Variants in SORCS1 observed in about 807,000 individuals in gnomAD.
The protein encoded by SORCS1 is VPS10 domain-containing receptor SorCS1.
SORCS1 carries 60 observed loss-of-function variants against 146.1 expected under a neutral mutation model. That is an observed-to-expected ratio of 0.41 (90% confidence interval 0.33 to 0.51). SORCS1 has a LOEUF of 0.51. SORCS1 is among the 20% of genes least tolerant of loss of function. The pLI, the probability that SORCS1 is intolerant of heterozygous loss-of-function variation, is 0.21. For missense variants in SORCS1, 1,352 were observed against 1,487.6 expected, an observed-to-expected ratio of 0.91 and a Z score of 1.50; for synonymous variants, 637 against 584.0, an observed-to-expected ratio of 1.09 and a Z score of -1.31.
At chr10:106,938,741 C>T (rs1332723170) in intron 2 of SORCS1, among the ~76,000 whole-genome samples, 1 of 152,186 alleles carries the variant, frequency 6.6e-6, no homozygotes, top group African/African-American at 2.4e-5. Context: ...TAAGCAGAGT[C>T]CACAAATCCC....
At chr10:106,822,697 G>C (rs1276636159) in intron 3 of SORCS1, among the ~76,000 whole-genome samples, 1 of 151,772 alleles carries the variant, frequency 6.6e-6, no homozygotes, top group Non-Finnish European at 1.5e-5. Flanking sequence ...GTTAAGTGTA[G>C]GGAAGTAAGG....
At chr10:106,629,663 T>C (rs1269635423) in intron 18 of SORCS1, among the ~76,000 whole-genome samples, 15 of 152,240 alleles carry the variant, frequency 9.9e-5, no homozygotes, top group Non-Finnish European at 1.9e-4. Context: ...GATTATCAGC[T>C]GCAATGTGAT....
intron 23 of SORCS1, among the ~76,000 whole-genome samples, chr10:106,603,655 T>C (rs1846387985): frequency 6.6e-6 from 1 of 152,094 alleles, no homozygotes; most frequent in Non-Finnish European, 1.5e-5. Context: ...GGCCAAGGCG[T>C]GAAATGAGGG....
chr10:106,604,070 T>C (rs1032001944), intron 23 of SORCS1, among the ~76,000 whole-genome samples: 1 of 152,146 alleles, frequency 6.6e-6, no homozygotes, highest in Non-Finnish European at 1.5e-5. Context: ...ACTGGCTAAA[T>C]AGAAGTTGGG....
rs6144077 is a variant in SORCS1 at position 106,606,274 on chromosome 10, TACACACACACACACACACAC to T, written c.3165+872_3165+891del. Among the ~76,000 whole-genome samples, 11 of 139,006 alleles carry T rather than the reference TACACACACACACACACACAC, an allele frequency of 7.9e-5. No individual in the cohort carries two copies. In the South Asian group the frequency reaches 9.2e-4, roughly 12 times the overall value. 91.2% of individuals were successfully genotyped at this position (139,006 alleles called of 152,430 possible). A position where few individuals can be genotyped will look rare whatever the true frequency, so the allele number is the denominator to read the frequency against. On this transcript the variant is annotated intron_variant, in intron 23 of 25. Transcript: ENST00000263054. ...AATCACACAAATACACACACAGATATACACACACACACACACACACACACACACACACACACACACACACA... is the reference window on the plus strand; with the variant it reads ...AATCACACAAATACACACACAGATATACACACACACACACACACACACACA...
chr10:106,837,819 C>A (rs1319147879), intron 2 of SORCS1, among the ~76,000 whole-genome samples: 2 of 151,988 alleles, frequency 1.3e-5, no homozygotes, highest in African/African-American at 4.8e-5. Context: ...TAATAGACAA[C>A]TGTCTTATTG....
Position 107,164,245 on chromosome 10 carries a change from GC to G in SORCS1, c.281del (p.Gly94AlafsTer39). 1 of 1,606,378 alleles carries G rather than the reference GC, an allele frequency of 6.2e-7. No homozygotes were observed. On this transcript the variant is annotated frameshift_variant, in exon 1 of 26. Coordinates refer to ENST00000263054, the MANE Select transcript of SORCS1 (RefSeq NM_052918.5). LOFTEE classifies it high-confidence loss of function. The surrounding 1 kb of genome is among the most constrained non-coding windows in gnomAD (Gnocchi z 6.8). ...CAGCAACCGCCATGGATGCCCCAGT[GC>G]CCCGAGCCCGCTCCAGGGATAGCGC... ...DRALSLERAR[G>X]TGASMAVAAR...
At chr10:107,125,717 C>T (rs190558448) in intron 1 of SORCS1, among the ~76,000 whole-genome samples, 25 of 152,320 alleles carry the variant, frequency 1.6e-4, no homozygotes, top group Non-Finnish European at 1.5e-5. Context: ...TTCAGTACCA[C>T]CAACACCTGG....
At chr10:107,091,302 G>A (rs184340697) in intron 1 of SORCS1, among the ~76,000 whole-genome samples, 10 of 152,336 alleles carry the variant, frequency 6.6e-5, no homozygotes, top group Non-Finnish European at 1.0e-4. Context: ...CATCGGTGAT[G>A]ACTGACTCCT....
At chr10:106,812,240 T>G (rs1264328717) in intron 3 of SORCS1, among the ~76,000 whole-genome samples, 4 of 152,146 alleles carry the variant, frequency 2.6e-5, no homozygotes, top group Non-Finnish European at 5.9e-5. Flanking sequence ...GACCTCATGA[T>G]CCGCCCGCCT....
In SORCS1 at chr10:106,988,641, C is replaced by T. The variant is rs74152297; in HGVS notation, c.559-32061G>A. Among the ~76,000 whole-genome samples the T allele has an allele frequency of 4.9e-3, 751 of 152,084 alleles. 10 individuals carry two copies. Among genetic ancestry groups the T allele is most frequent in the African/African-American group, 0.017 (709 of 41,506 alleles). On this transcript the variant is annotated intron_variant, in intron 1 of 25. Coordinates refer to ENST00000263054, the MANE Select transcript of SORCS1 (RefSeq NM_052918.5). ...GACTGCCTTTCCAGAATTATACACTCGCAGGATGCCTGGGAATTGGCAGAG... is the reference window on the plus strand; with the variant it reads ...GACTGCCTTTCCAGAATTATACACTTGCAGGATGCCTGGGAATTGGCAGAG...
At chr10:106,946,669 G>A (rs940637055) in intron 2 of SORCS1, among the ~76,000 whole-genome samples, 1 of 152,168 alleles carries the variant, frequency 6.6e-6, no homozygotes, top group African/African-American at 2.4e-5. Context: ...AGCAGCACGG[G>A]AACAGACTAA....
chr10:106,667,902 T>C lies in SORCS1; in HGVS notation c.2190-100A>G. 8 of 633,370 alleles carry C rather than the reference T, an allele frequency of 1.3e-5. No individual in the cohort carries two copies. In the South Asian group the frequency reaches 1.4e-4, roughly 11 times the overall value. The allele number at this position is 633,370 out of a possible 1,614,324, so 39.2% of individuals were successfully genotyped here. A position where few individuals can be genotyped will look rare whatever the true frequency, so the allele number is the denominator to read the frequency against. On this transcript the variant is annotated intron_variant, in intron 16 of 25. Coordinates refer to ENST00000263054, the MANE Select transcript of SORCS1 (RefSeq NM_052918.5). ...GCCAAGTTCCACACTAATCAATTAG[T>C]CATAACAAACAAAAATAAAAACAAA...
rs1386485546 is a variant in SORCS1 at position 106,831,164 on chromosome 10, GC to G, written c.627-1492del. On this transcript the variant is annotated intron_variant, in intron 2 of 25. Coordinates refer to ENST00000263054, the MANE Select transcript of SORCS1 (RefSeq NM_052918.5). ...GCCAAGATCGTGCCACTGCACTCCA[GC>G]CTGGGCGGAGTCTTGTCCAGAGCAA... Among the ~76,000 whole-genome samples the G allele has an allele frequency of 1.1e-4, 16 of 152,222 alleles. No homozygotes were observed. In the East Asian group the frequency reaches 2.9e-3, roughly 28 times the overall value.
At chr10:106,692,016 A>C (rs1363708003) in intron 9 of SORCS1, among the ~76,000 whole-genome samples, 1 of 152,124 alleles carries the variant, frequency 6.6e-6, no homozygotes, top group Non-Finnish European at 1.5e-5. Context: ...AATAACAGTA[A>C]AGTAACTTTA....
chr10:107,037,985 TC>T (rs1791126290), intron 1 of SORCS1, among the ~76,000 whole-genome samples: 3 of 152,118 alleles, frequency 2.0e-5, no homozygotes, highest in Admixed American at 1.3e-4. Context: ...CACCACCAGG[TC>T]CTGCTAGTTT....
chr10:106,619,716 G>T (rs1847611446), intron 20 of SORCS1, among the ~76,000 whole-genome samples: 1 of 152,152 alleles, frequency 6.6e-6, no homozygotes, highest in Non-Finnish European at 1.5e-5. Flanking sequence ...AGCTGGAAGA[G>T]ATCAAAGCAA....
At chr10:106,619,646 TAGAGG>T (rs1381826799) in intron 20 of SORCS1, among the ~76,000 whole-genome samples, 1 of 152,096 alleles carries the variant, frequency 6.6e-6, no homozygotes, top group African/African-American at 2.4e-5. Flanking sequence ...CAGCCTGGTG[TAGAGG>T]AAAGAAACAT....
rs560176186 is a variant in SORCS1, at chr10:106,813,734, A to C, written c.726+15840T>G. Among the ~76,000 whole-genome samples the C allele has an allele frequency of 2.0e-5, 3 of 152,292 alleles. No homozygotes were observed. In the East Asian group the frequency reaches 5.8e-4, roughly 29 times the overall value. ...AGGATCACTTGGGCCCAGGAGTTTGAGACTAGCCTGGGCAACATAGGGAGA... is the reference window on the plus strand; with the variant it reads ...AGGATCACTTGGGCCCAGGAGTTTGCGACTAGCCTGGGCAACATAGGGAGA... On this transcript the variant is annotated intron_variant, in intron 3 of 25. Coordinates refer to ENST00000263054, the MANE Select transcript of SORCS1 (RefSeq NM_052918.5).
Sources: allele counts gnomAD v4.1 joint callset (sites outside exome capture counted in the v4.1 genomes callset), GRCh38; gene constraint gnomAD v4.1.1; non-coding constraint Gnocchi (gnomAD v3.1); transcripts MANE v1.5; gene names NCBI Gene and HGNC (gene_info 2026-07-23, HGNC 2026-07-21).